TSHZ2: variants seen among roughly 807,000 people sequenced by gnomAD.
TSHZ2 encodes the protein teashirt zinc finger homeobox 2.
Under a neutral mutation model 74.4 loss-of-function variants are expected in TSHZ2, and 21 were observed. That is an observed-to-expected ratio of 0.28 (90% CI 0.20 to 0.41). TSHZ2 has a LOEUF of 0.41. TSHZ2 is among the 10% of genes least tolerant of loss of function. TSHZ2 has a pLI of 1.00. For synonymous variants in TSHZ2, 540 were observed against 515.3 expected, an observed-to-expected ratio of 1.05 and a Z score of -0.65; for missense variants, 1,244 against 1,293.5, an observed-to-expected ratio of 0.96 and a Z score of 0.59.
intron 2 of TSHZ2, among the ~76,000 whole-genome samples, chr20:53,373,348 G>T (rs1345208859): frequency 6.6e-6 from 1 of 152,170 alleles, no homozygotes; most frequent in Non-Finnish European, 1.5e-5. Context: ...TGGGCTATCT[G>T]ATGCTGACCT....
At chr20:53,055,327 C>T (rs940268593) in intron 1 of TSHZ2, among the ~76,000 whole-genome samples, 20 of 152,102 alleles carry the variant, frequency 1.3e-4, no homozygotes, top group African/African-American at 4.8e-4. Context: ...CAAAGTAGTC[C>T]ACATCCAGGT....
intron 2 of TSHZ2, among the ~76,000 whole-genome samples, chr20:53,380,880 A>C (rs2145639176): frequency 6.6e-6 from 1 of 152,356 alleles, no homozygotes; most frequent in South Asian, 2.1e-4. Context: ...TCATTTCATT[A>C]GAGAATCCTC....
At chr20:53,405,911 C>G (rs537602653) in intron 2 of TSHZ2, among the ~76,000 whole-genome samples, 6 of 152,170 alleles carry the variant, frequency 3.9e-5, no homozygotes, top group African/African-American at 1.4e-4. Flanking sequence ...GTGGGAGGAT[C>G]ACTTGAGCCC....
chr20:53,462,149 G>A (rs1328204176), intron 2 of TSHZ2, among the ~76,000 whole-genome samples: 2 of 152,184 alleles, frequency 1.3e-5, no homozygotes, highest in Non-Finnish European at 2.9e-5. Flanking sequence ...AGCTGCTTGG[G>A]AGGTTGAGGT....
At chr20:53,480,867 T>G (rs938681410) in intron 2 of TSHZ2, among the ~76,000 whole-genome samples, 4 of 152,224 alleles carry the variant, frequency 2.6e-5, no homozygotes, top group Non-Finnish European at 5.9e-5. Flanking sequence ...AATTAAAGCA[T>G]ATGTCATTCT....
In TSHZ2 at chr20:53,488,820, A is replaced by G. The variant is rs1417405245; in HGVS notation, c.*1685A>G. 4 of 334,702 alleles carry G rather than the reference A, an allele frequency of 1.2e-5. No individual in the cohort carries two copies. The highest frequency in any genetic ancestry group is 8.7e-5 in the African/African-American group (4 of 46,066). 20.7% of individuals were successfully genotyped at this position (334,702 alleles called of 1,614,324 possible). On this transcript the variant is annotated 3_prime_UTR_variant, in exon 3 of 3. Coordinates refer to ENST00000371497, the MANE Select transcript of TSHZ2 (RefSeq NM_173485.6). ...TTGGAAATTTTGACATGATCCCTAA[A>G]TTCAACATTGGGATTAAAAAAAAAA...
intron 1 of TSHZ2, among the ~76,000 whole-genome samples, chr20:53,096,974 T>G (rs1346584187): frequency 1.3e-5 from 2 of 152,106 alleles, no homozygotes; most frequent in African/African-American, 4.8e-5. Context: ...AAACAAGTTT[T>G]GTCAAGCTCA....
chr20:53,451,322 G>T (rs1388838426), intron 2 of TSHZ2, among the ~76,000 whole-genome samples: 1 of 152,120 alleles, frequency 6.6e-6, no homozygotes, highest in Non-Finnish European at 1.5e-5. Context: ...TAAATTATAT[G>T]GACCAAACTA....
chr20:53,047,122 A>G (rs139470734), intron 1 of TSHZ2, among the ~76,000 whole-genome samples: 1 of 152,354 alleles, frequency 6.6e-6, no homozygotes, highest in African/African-American at 2.4e-5. Context: ...TTTTAAAAGC[A>G]TAATATTTAT....
At chr20:53,031,168 C>A (rs1983621379) in intron 1 of TSHZ2, among the ~76,000 whole-genome samples, 1 of 152,160 alleles carries the variant, frequency 6.6e-6, no homozygotes, top group Admixed American at 6.5e-5. Context: ...TGCCAAATCA[C>A]CCTAGAAAGG....
At chr20:53,200,570 A>T (rs1988979123) in intron 1 of TSHZ2, among the ~76,000 whole-genome samples, 1 of 152,174 alleles carries the variant, frequency 6.6e-6, no homozygotes, top group African/African-American at 2.4e-5. Flanking sequence ...TGCTGCCTTC[A>T]CCACTCCCAT....
chr20:53,348,524 GA>G (rs916921152), intron 2 of TSHZ2, among the ~76,000 whole-genome samples: 8 of 136,088 alleles, frequency 5.9e-5, no homozygotes, highest in Admixed American at 1.5e-4. Context: ...TTTTAATTTA[GA>G]AAAAAAAAGA....
intron 1 of TSHZ2, among the ~76,000 whole-genome samples, chr20:53,098,213 C>T (rs1986112338): frequency 6.6e-6 from 1 of 152,164 alleles, no homozygotes; most frequent in East Asian, 1.9e-4. Context: ...ATCACTGGTA[C>T]TCAATAAATA....
At chr20:53,461,070 C>G (rs1447646753) in intron 2 of TSHZ2, among the ~76,000 whole-genome samples, 9 of 152,176 alleles carry the variant, frequency 5.9e-5, no homozygotes, top group Admixed American at 4.6e-4. Context: ...GGGCTCCACC[C>G]AGTTCGAGCT....
At chr20:53,167,302 G>A (rs903708390) in intron 1 of TSHZ2, among the ~76,000 whole-genome samples, 4 of 152,182 alleles carry the variant, frequency 2.6e-5, no homozygotes, top group South Asian at 2.1e-4. Flanking sequence ...ACACTAAATT[G>A]AGCACTTTAT....
At chr20:53,155,506 G>T (rs1219969217) in intron 1 of TSHZ2, among the ~76,000 whole-genome samples, 1 of 151,804 alleles carries the variant, frequency 6.6e-6, no homozygotes. Context: ...TCATTGAGGG[G>T]ATATATCAGG....
At chr20:53,304,145 C>A (rs1978421478) in intron 2 of TSHZ2, among the ~76,000 whole-genome samples, 1 of 150,416 alleles carries the variant, frequency 6.6e-6, no homozygotes, top group Non-Finnish European at 1.5e-5. Context: ...CCCATTAACT[C>A]GTCACTTAGC....
rs80301996 is a variant in TSHZ2 at position 53,113,901 on chromosome 20, T to C, written c.41-139598T>C. Among the ~76,000 whole-genome samples the C allele has an allele frequency of 1.3e-3, 203 of 152,242 alleles. 1 individual carries two copies. Among genetic ancestry groups the C allele is most frequent in the African/African-American group, 4.1e-3 (172 of 41,536 alleles). The stretch of plus-strand genomic sequence containing the variant: ...TCTGGTTTTCACTCAGCAGTGGCTC[T>C]TTGACACCTCTCAATGCATGGTACC... On this transcript the variant is annotated intron_variant, in intron 1 of 2. Coordinates refer to ENST00000371497, the MANE Select transcript of TSHZ2 (RefSeq NM_173485.6).
Position 53,085,392 on chromosome 20 carries a change from A to G in TSHZ2, c.40+112059A>G, listed in dbSNP as rs565100148. On this transcript the variant is annotated intron_variant, in intron 1 of 2. Coordinates refer to ENST00000371497, the MANE Select transcript of TSHZ2 (RefSeq NM_173485.6). ...AAAGAAAGAGAGAGAGAGAGAGAGA[A>G]AGAAAGAAAGACCGATATTTCACTT... is the stretch of plus-strand genomic sequence containing the variant. Among the ~76,000 whole-genome samples the G allele has an allele frequency of 7.2e-5, 11 of 151,748 alleles. 1 individual carries two copies. Among genetic ancestry groups the G allele is most frequent in the South Asian group, 2.1e-4 (1 of 4,794 alleles).
Sources: allele counts gnomAD v4.1 joint callset (sites outside exome capture counted in the v4.1 genomes callset), GRCh38; gene constraint gnomAD v4.1.1; transcripts MANE v1.5; gene names NCBI Gene and HGNC (gene_info 2026-07-23, HGNC 2026-07-21).